Variants in PKN2 observed in about 807,000 individuals in gnomAD.
The protein encoded by PKN2 is protein kinase N2, also known as serine/threonine-protein kinase N2.
Under a neutral mutation model 119.1 loss-of-function variants are expected in PKN2, and 38 were observed. That is an observed-to-expected ratio of 0.32 (90% CI 0.25 to 0.42). PKN2 has a LOEUF of 0.42. Ranked by LOEUF, PKN2 falls within the 10% of genes least tolerant of loss-of-function variation. The pLI is 1.00. For synonymous variants in PKN2, 390 were observed against 384.9 expected, an observed-to-expected ratio of 1.01 and a Z score of -0.15; for missense variants, 850 against 1,165.1, an observed-to-expected ratio of 0.73 and a Z score of 3.94.
chr1:88,756,570 C>G (rs749641272), intron 2 of PKN2, among the ~76,000 whole-genome samples: 4 of 152,168 alleles, frequency 2.6e-5, no homozygotes, highest in Non-Finnish European at 4.4e-5. Flanking sequence ...TAGGGGCCTT[C>G]TATTCTGAAT....
chr1:88,827,513 A>G lies in PKN2; in HGVS notation c.2420-968A>G, dbSNP rs1672544878. On this transcript the variant is annotated intron_variant, in intron 18 of 21. Coordinates refer to ENST00000370521, the MANE Select transcript of PKN2 (RefSeq NM_006256.4). ...ATCTTAAGTACTTGCGGAATTCTCT[A>G]TGGCATCATGTTGGTGCCCAAAAAG... Among the ~76,000 whole-genome samples the G allele has an allele frequency of 2.6e-5, 4 of 152,022 alleles. 1 individual carries two copies. The highest frequency in any genetic ancestry group is 3.9e-4 in the East Asian group (2 of 5,172).
chr1:88,710,123 C>A (rs1000533797), intron 1 of PKN2, among the ~76,000 whole-genome samples: 12 of 152,042 alleles, frequency 7.9e-5, no homozygotes, highest in Non-Finnish European at 1.6e-4. Context: ...AATGTAAAAC[C>A]GGTCCTGGGA....
intron 1 of PKN2, among the ~76,000 whole-genome samples, chr1:88,695,598 A>G (rs1026164358): frequency 3.3e-5 from 5 of 152,080 alleles, no homozygotes; most frequent in African/African-American, 9.7e-5. Context: ...ACTCATCTCT[A>G]TGTAGTGATA....
intron 16 of PKN2, chr1:88,816,656 T>C (rs913525455): frequency 6.6e-5 from 10 of 152,218 alleles, no homozygotes; most frequent in African/African-American, 2.2e-4. Context: ...TATTTCTAAG[T>C]AGTTGCATTT....
At chr1:88,685,478 A>G (rs1666054188) in intron 1 of PKN2, among the ~76,000 whole-genome samples, 1 of 152,190 alleles carries the variant, frequency 6.6e-6, no homozygotes, top group Non-Finnish European at 1.5e-5. Flanking sequence ...TAGATCGCTT[A>G]GTTAAGTCAT....
At chr1:88,785,622 C>T (rs1268997135) in intron 7 of PKN2, among the ~76,000 whole-genome samples, 1 of 152,078 alleles carries the variant, frequency 6.6e-6, no homozygotes, top group Non-Finnish European at 1.5e-5. Context: ...TAAGCATAAA[C>T]TATATGTAGA....
intron 1 of PKN2, among the ~76,000 whole-genome samples, chr1:88,740,235 G>A (rs959867999): frequency 6.6e-6 from 1 of 152,018 alleles, no homozygotes; most frequent in Non-Finnish European, 1.5e-5. Flanking sequence ...CTGTATAAAT[G>A]GAGTTCTGAA....
intron 15 of PKN2, among the ~76,000 whole-genome samples, chr1:88,810,955 A>T (rs762532266): frequency 6.6e-6 from 1 of 152,154 alleles, no homozygotes; most frequent in Admixed American, 6.6e-5. Context: ...TTTTCTTTCT[A>T]TAGTCTGTAT....
At chr1:88,771,370 A>G in intron 4 of PKN2, 51 bp from the exon 5 acceptor site, 1 of 1,434,802 alleles carries the variant, frequency 7.0e-7, no homozygotes, top group Admixed American at 2.1e-5. Flanking sequence ...AATCACTGCA[A>G]ATTGGAAAGT....
intron 8 of PKN2, among the ~76,000 whole-genome samples, chr1:88,789,560 G>A (rs895034478): frequency 2.6e-5 from 4 of 152,068 alleles, no homozygotes; most frequent in Admixed American, 6.5e-5. Flanking sequence ...CTACTTGGGC[G>A]GCTGAGGCTG....
intron 8 of PKN2, among the ~76,000 whole-genome samples, chr1:88,803,732 C>T (rs1182342933): frequency 1.3e-5 from 2 of 152,122 alleles, no homozygotes; most frequent in Admixed American, 1.3e-4. Context: ...CAAATTCTTG[C>T]TAATTTGCTT....
intron 19 of PKN2, chr1:88,829,201 CAG>C (rs1377325426): frequency 1.9e-5 from 14 of 735,314 alleles, no homozygotes; most frequent in Non-Finnish European, 3.6e-5. Flanking sequence ...ATTGTAAAAA[CAG>C]AACGTACATT....
In PKN2 at chr1:88,805,505, T is replaced by C. The variant is rs1671500961; in HGVS notation, c.1510T>C (p.Phe504Leu). Reference sequence around the variant, plus strand: ...TTTTTCAACATCTACAGGCAAAACATTTCTCAGAGCTCCTCAAATGAATAT... The same window carrying C: ...TTTTTCAACATCTACAGGCAAAACACTTCTCAGAGCTCCTCAAATGAATAT... ...KIFSKQQGKT[F>L]LRAPQMNINI... is the part of the protein sequence containing the mutation. The change falls in exon 11 of 22, where the codon TTT (phenylalanine) becomes CTT (leucine). Residue 504 changes from phenylalanine to leucine, a missense_variant. Around this residue, in one of 9 missense-constraint regions of PKN2, gnomAD observed 5 missense variants for 25.6 expected, o/e 0.20. Transcript: ENST00000370521. 6.3e-7 allele frequency: 1 copy of C among 1,593,932 alleles called. No homozygotes were observed. The highest frequency in any genetic ancestry group is 1.7e-5 in the Admixed American group (1 of 58,004).
At chr1:88,823,529 C>T (rs1244873420) in intron 17 of PKN2, among the ~76,000 whole-genome samples, 1 of 150,044 alleles carries the variant, frequency 6.7e-6, no homozygotes. Context: ...TGGTGAAAAC[C>T]CATCTCTACT....
At chr1:88,707,740 A>G (rs1667059324) in intron 1 of PKN2, among the ~76,000 whole-genome samples, 1 of 152,100 alleles carries the variant, frequency 6.6e-6, no homozygotes, top group Non-Finnish European at 1.5e-5. Context: ...CAGGATTGGT[A>G]TATTTTCATT....
At chr1:88,793,746 C>T (rs1670941498) in intron 8 of PKN2, among the ~76,000 whole-genome samples, 1 of 152,122 alleles carries the variant, frequency 6.6e-6, no homozygotes, top group Admixed American at 6.5e-5. Flanking sequence ...CTCCTGTATA[C>T]TTTAAATCAT....
intron 15 of PKN2, among the ~76,000 whole-genome samples, chr1:88,810,712 T>C (rs1671747306): frequency 6.6e-6 from 1 of 152,128 alleles, no homozygotes; most frequent in Non-Finnish European, 1.5e-5. Context: ...GTTCAAGCGA[T>C]TCTCCTTCCT....
intron 2 of PKN2, among the ~76,000 whole-genome samples, chr1:88,757,014 G>A (rs1477256951): frequency 6.6e-6 from 1 of 152,062 alleles, no homozygotes; most frequent in Non-Finnish European, 1.5e-5. Context: ...AACCTGGGCA[G>A]CCTCAACCAC....
chr1:88,702,351 A>G (rs1409063976), intron 1 of PKN2, among the ~76,000 whole-genome samples: 1 of 152,176 alleles, frequency 6.6e-6, no homozygotes, highest in East Asian at 1.9e-4. Context: ...GATAATAGGA[A>G]CCAAATGCAT....
Sources: allele counts gnomAD v4.1 joint callset (sites outside exome capture counted in the v4.1 genomes callset), GRCh38; gene constraint gnomAD v4.1.1; regional missense constraint gnomAD v4.1.1; transcripts MANE v1.5; gene names NCBI Gene and HGNC (gene_info 2026-07-23, HGNC 2026-07-21).